The following PCDH7 variants were observed in gnomAD, a reference collection of about 807,000 sequenced individuals.
The protein encoded by PCDH7 is protocadherin 7.
In PCDH7, 17 loss-of-function variants were observed where a neutral mutation model predicts 58.9. The observed-to-expected ratio is 0.29, with a 90% CI of 0.20 to 0.43. The LOEUF (loss-of-function observed/expected upper bound fraction) is 0.43. Ranked by LOEUF, PCDH7 falls within the 20% of genes least tolerant of loss-of-function variation. PCDH7 has a pLI of 1.00. For missense variants in PCDH7, 1,274 were observed against 1,441.0 expected (o/e 0.88, Z 1.88); for synonymous variants, 664 against 616.4 (o/e 1.08, Z -1.14).
chr4:31,099,028 C>T (rs1457672259), intron 3 of PCDH7, among the ~76,000 whole-genome samples: 2 of 152,256 alleles, frequency 1.3e-5, no homozygotes, highest in East Asian at 1.9e-4. Context: ...TCTCATTTTA[C>T]CTTAATCACC....
chr4:31,101,599 T>A (rs1056717268), intron 3 of PCDH7, among the ~76,000 whole-genome samples: 7 of 152,222 alleles, frequency 4.6e-5, no homozygotes, highest in Non-Finnish European at 2.9e-5. Context: ...TACTACTCTC[T>A]GTTGTCACTT....
At chr4:30,784,679 T>A (rs1341514130) in intron 1 of PCDH7, among the ~76,000 whole-genome samples, 1 of 152,102 alleles carries the variant, frequency 6.6e-6, no homozygotes, top group Non-Finnish European at 1.5e-5. Flanking sequence ...AAATTTTACA[T>A]AGTATCTTTC....
chr4:31,120,716 A>G (rs748462535), intron 3 of PCDH7, among the ~76,000 whole-genome samples: 4 of 152,188 alleles, frequency 2.6e-5, no homozygotes, highest in Non-Finnish European at 5.9e-5. Context: ...GCATAAACCC[A>G]TAGGTGAATG....
At chr4:31,034,909 C>T (rs1755261024) in intron 3 of PCDH7, among the ~76,000 whole-genome samples, 1 of 152,170 alleles carries the variant, frequency 6.6e-6, no homozygotes, top group African/African-American at 2.4e-5. Context: ...TAATTTACAC[C>T]TGTTACCTGC....
intron 1 of PCDH7, chr4:30,725,448 A>G (rs1204719077): frequency 1.8e-5 from 4 of 226,612 alleles, no homozygotes; most frequent in Non-Finnish European, 2.9e-5. Flanking sequence ...ATTTGACATA[A>G]TAGTTTCTCA....
chr4:30,806,342 T>G (rs555403749), intron 1 of PCDH7, among the ~76,000 whole-genome samples: 1 of 151,976 alleles, frequency 6.6e-6, no homozygotes, highest in South Asian at 2.1e-4. Context: ...TCTCGCTCTG[T>G]CACCCAGGCT....
intron 1 of PCDH7, among the ~76,000 whole-genome samples, chr4:30,906,681 G>GTTATATA: frequency 6.6e-6 from 1 of 152,294 alleles, no homozygotes; most frequent in Middle Eastern, 3.4e-3. Context: ...TATTAGAAAA[G>GTTATATA]TGCTGTTATA....
intron 1 of PCDH7, among the ~76,000 whole-genome samples, chr4:30,885,454 G>A (rs887610108): frequency 8.5e-5 from 13 of 152,086 alleles, no homozygotes; most frequent in Non-Finnish European, 1.6e-4. Context: ...TAATGAGCAC[G>A]ATGTGAGTGT....
At chr4:30,803,464 G>T (rs1431521063) in intron 1 of PCDH7, among the ~76,000 whole-genome samples, 1 of 151,962 alleles carries the variant, frequency 6.6e-6, no homozygotes, top group Non-Finnish European at 1.5e-5. Flanking sequence ...TAGAGACAGG[G>T]TCTTGCTCTG....
intron 3 of PCDH7, among the ~76,000 whole-genome samples, chr4:31,135,450 A>C (rs1233651836): frequency 6.6e-6 from 1 of 152,196 alleles, no homozygotes; most frequent in African/African-American, 2.4e-5. Context: ...AGTAACCAGG[A>C]TCCAGTGGCC....
chr4:31,004,870 A>G (rs996781335), intron 3 of PCDH7, among the ~76,000 whole-genome samples: 1 of 152,198 alleles, frequency 6.6e-6, no homozygotes, highest in Non-Finnish European at 1.5e-5. Flanking sequence ...ACACAGCTAA[A>G]TAGTGACAAC....
At chr4:30,978,548 A>T (rs1750275588) in intron 3 of PCDH7, among the ~76,000 whole-genome samples, 1 of 152,230 alleles carries the variant, frequency 6.6e-6, no homozygotes. Flanking sequence ...GCATATGTTT[A>T]AATTTTCTTA....
At chr4:30,890,646 T>C (rs1322097633) in intron 1 of PCDH7, among the ~76,000 whole-genome samples, 2 of 152,058 alleles carry the variant, frequency 1.3e-5, no homozygotes, top group Admixed American at 1.3e-4. Context: ...TAGTTTGTTT[T>C]TATAGTTTTC....
chr4:31,131,990 A>C (rs1028295688), intron 3 of PCDH7, among the ~76,000 whole-genome samples: 3 of 152,166 alleles, frequency 2.0e-5, no homozygotes, highest in African/African-American at 7.2e-5. Flanking sequence ...TATGATTTGA[A>C]CTTCAATGTG....
chr4:30,781,386 G>A (rs936133164), intron 1 of PCDH7, among the ~76,000 whole-genome samples: 2 of 151,758 alleles, frequency 1.3e-5, no homozygotes, highest in African/African-American at 2.4e-5. Flanking sequence ...GTGAACCGCC[G>A]GCCTCGGCCT....
chr4:30,836,305 T>G (rs1357848365), intron 1 of PCDH7, among the ~76,000 whole-genome samples: 2 of 152,202 alleles, frequency 1.3e-5, no homozygotes, highest in Admixed American at 6.5e-5. Flanking sequence ...GGGAATAAAA[T>G]GTTTGCATAC....
intron 1 of PCDH7, among the ~76,000 whole-genome samples, chr4:30,838,040 T>A (rs1353160623): frequency 6.6e-6 from 1 of 151,840 alleles, no homozygotes; most frequent in Non-Finnish European, 1.5e-5. Context: ...TTCTTCATCA[T>A]GCTGGGGCTG....
chr4:31,076,305 T>TATCA (rs1458474089), intron 3 of PCDH7, among the ~76,000 whole-genome samples: 2 of 152,240 alleles, frequency 1.3e-5, no homozygotes, highest in Non-Finnish European at 2.9e-5. Context: ...TACCATCCTT[T>TATCA]ATCAAAAGAG....
chr4:31,032,051 TA>T (rs1233682187), intron 3 of PCDH7, among the ~76,000 whole-genome samples: 1 of 152,222 alleles, frequency 6.6e-6, no homozygotes, highest in Non-Finnish European at 1.5e-5. Context: ...ATTAACTTGT[TA>T]AAAAGTTTTA....
Sources: gnomAD v4.1 joint callset for allele counts (sites outside exome capture counted in the v4.1 genomes callset) on GRCh38, gnomAD v4.1.1 for gene constraint, MANE v1.5 for transcripts, NCBI Gene and HGNC (gene_info 2026-07-23, HGNC 2026-07-21) for gene names.